The following ZNF487 variants were observed in gnomAD, a reference collection of about 807,000 sequenced individuals.
The protein encoded by ZNF487 is zinc finger protein 487.
ZNF487 carries 4 observed loss-of-function variants against 3.0 expected under a neutral mutation model. The observed-to-expected ratio is 1.35, with a 90% confidence interval of 0.66 to 3.08. The LOEUF (loss-of-function observed/expected upper bound fraction) is 3.08. Ranked by LOEUF, ZNF487 falls within the 30% of genes most tolerant of loss-of-function variation. ZNF487 has a pLI of 0.01. For missense variants in ZNF487, 146 were observed against 98.7 expected, an observed-to-expected ratio of 1.48 and a Z score of -2.03; for synonymous variants, 55 against 34.6, an observed-to-expected ratio of 1.59 and a Z score of -2.06.
At position 43,469,853 on chromosome 10, in the gene ZNF487, G is replaced by A. The variant is rs549777044; in HGVS notation, c.-93-5868G>A. On this transcript the variant is annotated intron_variant, in intron 1 of 3. Coordinates refer to ENST00000437590, the MANE Select transcript of ZNF487 (RefSeq NM_001355444.3). ...TAATCCTAGGTACTCAGGAGACTGA[G>A]GCATGAGAATTTCTTGAACCCAGGA... 7.9e-5 allele frequency among the ~76,000 whole-genome samples: 12 copies of A among 152,044 alleles called. 1 individual carries two copies. The highest frequency in any genetic ancestry group is 7.2e-4 in the Admixed American group (11 of 15,270).
intron 1 of ZNF487, among the ~76,000 whole-genome samples, chr10:43,437,516 G>A (rs2132020885): frequency 6.6e-6 from 1 of 152,266 alleles, no homozygotes; most frequent in South Asian, 2.1e-4. Flanking sequence ...GGGATATTGG[G>A]AGAGTCCTGG....
the ZNF487 span, among the ~76,000 whole-genome samples, chr10:43,498,483 T>G: frequency 6.6e-6 from 1 of 150,810 alleles, no homozygotes; most frequent in East Asian, 2.0e-4. Flanking sequence ...TTCGCCACAG[T>G]GGCCAGGCTG....
chr10:43,506,283 G>A, the ZNF487 span, among the ~76,000 whole-genome samples: 4 of 152,170 alleles, frequency 2.6e-5, no homozygotes, highest in African/African-American at 7.2e-5. Flanking sequence ...GGAGGTCAAG[G>A]TGGGAGGATT....
chr10:43,461,639 AT>A (rs1840436371), intron 1 of ZNF487, among the ~76,000 whole-genome samples: 1 of 152,092 alleles, frequency 6.6e-6, no homozygotes, highest in Non-Finnish European at 1.5e-5. Flanking sequence ...GTTTATATCA[AT>A]TTTATGCCTG....
intron 1 of ZNF487, among the ~76,000 whole-genome samples, chr10:43,440,871 T>G (rs1839574703): frequency 6.6e-6 from 1 of 151,792 alleles, no homozygotes; most frequent in African/African-American, 2.4e-5. Context: ...TTGGACTTTT[T>G]TTTTGTTGTT....
chr10:43,517,485 G>A, the ZNF487 span, among the ~76,000 whole-genome samples: 1 of 152,178 alleles, frequency 6.6e-6, no homozygotes, highest in African/African-American at 2.4e-5. Flanking sequence ...CTTTACCATA[G>A]GGGCTTTAGC....
chr10:43,483,544 T>C (rs1383391029), downstream of ZNF487, among the ~76,000 whole-genome samples: 1 of 152,028 alleles, frequency 6.6e-6, no homozygotes, highest in African/African-American at 2.4e-5. Context: ...TCTTTTTTTT[T>C]TGAATCAGAA....
At chr10:43,443,499 A>G (rs1839693214) in intron 1 of ZNF487, among the ~76,000 whole-genome samples, 2 of 147,544 alleles carry the variant, frequency 1.4e-5, no homozygotes, top group South Asian at 2.2e-4. Flanking sequence ...TCAGCCTCCC[A>G]AGTAGCTGGG....
At chr10:43,469,250 G>A (rs1316352065) in intron 1 of ZNF487, among the ~76,000 whole-genome samples, 1 of 151,982 alleles carries the variant, frequency 6.6e-6, no homozygotes, top group Non-Finnish European at 1.5e-5. Flanking sequence ...AGGCTGGAGT[G>A]CAGTGGTGCG....
chr10:43,518,436 G>A, the ZNF487 span, among the ~76,000 whole-genome samples: 4 of 152,098 alleles, frequency 2.6e-5, no homozygotes, highest in African/African-American at 9.7e-5. Context: ...GTGCCACACA[G>A]GTTCCCAGAC....
chr10:43,439,237 G>T (rs1424721607), intron 1 of ZNF487, among the ~76,000 whole-genome samples: 1 of 150,754 alleles, frequency 6.6e-6, no homozygotes, highest in Admixed American at 6.6e-5. Flanking sequence ...ACGAGATTCC[G>T]TCTCAAAAAA....
the ZNF487 span, among the ~76,000 whole-genome samples, chr10:43,508,328 A>G: frequency 6.6e-6 from 1 of 152,346 alleles, no homozygotes; most frequent in Admixed American, 6.5e-5. Context: ...TTCTGAATAT[A>G]AAATAGAGAC....
At chr10:43,468,972 GAGTGAGACTCTATCTCAAAAAAAAAAAA>G (rs1018763659) in intron 1 of ZNF487, among the ~76,000 whole-genome samples, 1 of 105,506 alleles carries the variant, frequency 9.5e-6, no homozygotes, top group African/African-American at 3.8e-5. Context: ...CTGGGCTACA[GAGTGAGACTCTATCTCAAAAAAAAAAAA>G]AAAAAAAAAA....
At chr10:43,496,068 A>G in the ZNF487 span, 1 of 534,504 alleles carries the variant, frequency 1.9e-6, no homozygotes, top group East Asian at 5.4e-5. Flanking sequence ...GAGGAGTGGT[A>G]GCATCTGGGC....
In ZNF487 at chr10:43,438,515, ATTG is replaced by A. The variant is rs1259003341; in HGVS notation, c.-94+1257_-94+1259del. Among the ~76,000 whole-genome samples, 3 of 152,138 alleles carry A rather than the reference ATTG, an allele frequency of 2.0e-5. No homozygotes were observed. In the South Asian group the frequency reaches 6.2e-4, roughly 31 times the overall value. On this transcript the variant is annotated intron_variant, in intron 1 of 3. Coordinates refer to ENST00000437590, the MANE Select transcript of ZNF487 (RefSeq NM_001355444.3). Reference sequence around the variant, plus strand: ...TATATTAAGAAATATACCCTTGTGTATTGTTGGTAAGAATGTAAAATGGTACAG... The same window carrying A: ...TATATTAAGAAATATACCCTTGTGTATTGGTAAGAATGTAAAATGGTACAG...
the ZNF487 span, among the ~76,000 whole-genome samples, chr10:43,516,028 C>A: frequency 2.0e-4 from 30 of 152,268 alleles, no homozygotes; most frequent in African/African-American, 7.0e-4. Context: ...GATCCGCCCG[C>A]CTTGGCCTCT....
intron 3 of ZNF487, 91 bp downstream of exon 3, chr10:43,476,293 CAG>C (rs1252096720): frequency 9.3e-6 from 6 of 644,074 alleles, no homozygotes; most frequent in African/African-American, 3.7e-5. Flanking sequence ...TGAAATTTTT[CAG>C]AGATATGTTT....
At chr10:43,437,096 T>C (rs1242503543), upstream of ZNF487, 1 of 297,400 alleles carries the variant, frequency 3.4e-6, no homozygotes, top group Non-Finnish European at 6.6e-6. Context: ...GCCCCGCCCC[T>C]CGGCGGCCCC....
chr10:43,499,404 G>T, the ZNF487 span, among the ~76,000 whole-genome samples: 3 of 151,912 alleles, frequency 2.0e-5, no homozygotes, highest in South Asian at 6.2e-4. Context: ...GATTTTGAGG[G>T]TTTTTTTTGT....
Sources: gnomAD v4.1 joint callset for allele counts (sites outside exome capture counted in the v4.1 genomes callset) on GRCh38, gnomAD v4.1.1 for gene constraint, MANE v1.5 for transcripts, NCBI Gene and HGNC (gene_info 2026-07-23, HGNC 2026-07-21) for gene names.